Variants in CCDC22 observed in about 807,000 individuals in gnomAD.
CCDC22 encodes the protein coiled-coil domain-containing protein 22.
In CCDC22, 4 loss-of-function variants were observed where a neutral mutation model predicts 53.1. The observed-to-expected ratio is 0.08, with a 90% CI of 0.04 to 0.17. The LOEUF is 0.17. Among genes scored for constraint, CCDC22 ranks in the 10% least tolerant of loss-of-function variants. CCDC22 has a pLI of 1.00. For synonymous variants in CCDC22, 222 were observed against 224.4 expected (o/e 0.99, Z 0.10); for missense variants, 458 against 554.0 (o/e 0.83, Z 1.74).
rs1557115118 is a variant in CCDC22, at chrX:49,249,728, G to A, written c.1770+3G>A. 1 of 1,199,671 alleles carries A rather than the reference G, an allele frequency of 8.3e-7. No homozygotes were observed. Among genetic ancestry groups the A allele is most frequent in the South Asian group, 1.8e-5 (1 of 56,607 alleles). ...AGGTTCGAGACCTCGAGGAGCAGGT[G>A]AGGCCTGGGGGCAGGATGGGGAGCC... On this transcript the variant is annotated splice_donor_region_variant and intron_variant, in intron 16 of 16. Coordinates refer to ENST00000376227, the MANE Select transcript of CCDC22 (RefSeq NM_014008.5).
chrX:49,249,304 G>A, intron 14 of CCDC22, 42 bp downstream of exon 14: 1 of 1,062,959 alleles, frequency 9.4e-7, no homozygotes, highest in Non-Finnish European at 1.3e-6. Flanking sequence ...GTGAGGCTGG[G>A]CTGCTGCCTT....
chrX:49,240,074 A>AC (rs1290222385), intron 2 of CCDC22, among the ~76,000 whole-genome samples: 1 of 105,400 alleles, frequency 9.5e-6, no homozygotes, highest in Non-Finnish European at 1.9e-5. Flanking sequence ...ACATAGTGAG[A>AC]CCCCCATCTC....
intron 2 of CCDC22, among the ~76,000 whole-genome samples, chrX:49,241,727 T>C (rs1227466678): frequency 1.8e-5 from 2 of 112,103 alleles, no homozygotes; most frequent in Non-Finnish European, 3.8e-5. Context: ...TTCTATTTTC[T>C]TTAAATATTT....
At chrX:49,246,061 C>T (rs1299725344) in intron 6 of CCDC22, among the ~76,000 whole-genome samples, 1 of 110,174 alleles carries the variant, frequency 9.1e-6, no homozygotes, top group African/African-American at 3.3e-5. Flanking sequence ...TGTCGCTTCA[C>T]TGCAACCTCC....
At chrX:49,237,382 C>T (rs1185778753) in intron 2 of CCDC22, 119 bp downstream of exon 2, 9 of 667,581 alleles carry the variant, frequency 1.3e-5, no homozygotes, top group Non-Finnish European at 2.0e-5. Context: ...GCAACACTTG[C>T]CTTTCCTCTG....
chrX:49,243,076 T>C (rs1400222969), intron 4 of CCDC22, 42 bp from the exon 5 acceptor site: 2 of 1,184,207 alleles, frequency 1.7e-6, no homozygotes, highest in East Asian at 3.0e-5. Flanking sequence ...GCAACCCTCA[T>C]CCCACTTCAC....
rs1317193784 is a variant in CCDC22 at position 49,235,861 on chromosome X, A to ACACACACG, written c.50+178_50+179insACACGCAC. On this transcript the variant is annotated intron_variant, in intron 1 of 16. Coordinates refer to ENST00000376227, the MANE Select transcript of CCDC22 (RefSeq NM_014008.5). ...CACACACACACACACACACACACAC[A>ACACACACG]CACGCACACACACACCGCCCTCCCT... is the stretch of plus-strand genomic sequence containing the variant. 6.7e-3 allele frequency among the ~76,000 whole-genome samples: 710 copies of ACACACACG among 105,763 alleles called. 11 individuals carry two copies. Among genetic ancestry groups the ACACACACG allele is most frequent in the African/African-American group, 0.024 (682 of 28,426 alleles). 91.8% of individuals were successfully genotyped at this position (105,763 alleles called of 115,157 possible). A position where few individuals can be genotyped will look rare whatever the true frequency, so the allele number is the denominator to read the frequency against.
intron 2 of CCDC22, chrX:49,239,454 A>G (rs2065953596): frequency 2.7e-6 from 2 of 746,600 alleles, no homozygotes; most frequent in South Asian, 1.4e-4. Flanking sequence ...GGAACCTGTG[A>G]ATACATAGTG....
In CCDC22 at chrX:49,248,323, C is replaced by T. The variant is rs1557114677; in HGVS notation, c.1212+13C>T. On this transcript the variant is annotated intron_variant, in intron 10 of 16. Coordinates refer to ENST00000376227, the MANE Select transcript of CCDC22 (RefSeq NM_014008.5). ...TGCCAAGCTGCAGGTGGGGTTGGGG[C>T]TGTAGCTGGGCGGAGAGGGGCAGGG... is the stretch of plus-strand genomic sequence containing the variant. The T allele has an allele frequency of 1.3e-6, 1 of 745,497 alleles. No homozygotes were observed. Among genetic ancestry groups the T allele is most frequent in the Non-Finnish European group, 1.8e-6 (1 of 560,582 alleles). The allele number at this position is 745,497 out of a possible 1,213,427, so 61.4% of individuals were successfully genotyped here.
intron 6 of CCDC22, among the ~76,000 whole-genome samples, chrX:49,246,247 T>C (rs1252051179): frequency 1.8e-5 from 2 of 112,340 alleles, no homozygotes; most frequent in African/African-American, 6.5e-5. Context: ...GCTAGGATTA[T>C]AGGCATGAGC....
chrX:49,242,255 G>A (rs144610911), intron 3 of CCDC22, 107 bp downstream of exon 3: 26,307 of 1,133,200 alleles, frequency 0.023, 316 homozygotes, highest in Middle Eastern at 0.045. Context: ...GATGGGTAGG[G>A]GTGGCGGTAT....
chrX:49,246,793 C>G lies in CCDC22; in HGVS notation c.777C>G (p.Ser259Arg), dbSNP rs905833437. 1 of 1,192,093 alleles carries G rather than the reference C, an allele frequency of 8.4e-7. No homozygotes were observed. The highest frequency in any genetic ancestry group is 1.1e-6 in the Non-Finnish European group (1 of 885,282). ...AACTGACTGAGCATCTGCGCCAAAGCTGGGGCCTGCTTGGGGCCCCCATAC... is the reference window on the plus strand; with the variant it reads ...AACTGACTGAGCATCTGCGCCAAAGGTGGGGCCTGCTTGGGGCCCCCATAC... ...QKQLTEHLRQ[S>R]WGLLGAPIQA... Residue 259 changes from serine (S) to arginine (R), a missense_variant, in exon 7 of 17, where the codon AGC (serine) becomes AGG (arginine). Coordinates refer to ENST00000376227, the MANE Select transcript of CCDC22 (RefSeq NM_014008.5).
At position 49,237,114 on chromosome X, in the gene CCDC22, C is replaced by T. The variant is rs2065941556; in HGVS notation, c.79C>T (p.Arg27Cys). Residue 27 changes from arginine to cysteine, a missense_variant, in exon 2 of 17, where the codon CGC (arginine) becomes TGC (cysteine). Physicochemically the swap from Arg to Cys is radical, Grantham distance 180. Around this residue, in one of 4 missense-constraint regions of CCDC22, gnomAD observed 55 missense variants for 106.0 expected, o/e 0.52. Coordinates refer to ENST00000376227, the MANE Select transcript of CCDC22 (RefSeq NM_014008.5). ...TAVPPDVQTL[R>C]AFTTELVVEA... ...AGTTCCTCCAGATGTGCAGACCTTG[C>T]GCGCCTTCACCACTGAGCTGGTTGT... 3 of 1,209,711 alleles carry T rather than the reference C, an allele frequency of 2.5e-6. No homozygotes were observed. Among genetic ancestry groups the T allele is most frequent in the Admixed American group, 2.2e-5 (1 of 45,868 alleles).
intron 13 of CCDC22, 22 bp downstream of exon 13, chrX:49,248,946 G>A (rs1410335194): frequency 7.5e-6 from 9 of 1,200,818 alleles, no homozygotes; most frequent in Non-Finnish European, 9.0e-6. Flanking sequence ...GGGCCATGGA[G>A]GGTGGGTCAT....
chrX:49,247,511 G>A lies in CCDC22; in HGVS notation c.925G>A (p.Ala309Thr). The change falls in exon 8 of 17, where the codon GCC (alanine) becomes ACC (threonine). Residue 309 changes from alanine (A) to threonine (T), a missense_variant. Physicochemically the swap from Ala to Thr is moderately conservative, Grantham distance 58. Transcript: ENST00000376227. ...CTCCCCTTAGGAGCCCCAGGCCCAG[G>A]CCACTCAGGTGTCAGATGTGCCAGC... is the stretch of plus-strand genomic sequence containing the variant. The part of the protein sequence containing the change: ...FTFHLEPQAQ[A>T]TQVSDVPATS... The A allele has an allele frequency of 2.5e-6, 3 of 1,197,894 alleles. No homozygotes were observed. The highest frequency in any genetic ancestry group is 3.4e-6 in the Non-Finnish European group (3 of 888,941).
At chrX:49,239,391 G>GT in intron 2 of CCDC22, 1 of 670,256 alleles carries the variant, frequency 1.5e-6, no homozygotes, top group Non-Finnish European at 1.8e-6. Flanking sequence ...TGAAAAGCTG[G>GT]TTATAATAAG....
In CCDC22 at chrX:49,235,598, G is replaced by T. The variant is rs373238241; in HGVS notation, c.-39G>T. On this transcript the variant is annotated 5_prime_UTR_variant, in exon 1 of 17. Transcript: ENST00000376227. ...AGCTGCTCCCCACTTTCTCGGACCCGGTCCTGGACCCAGCCCCCGACTCCG... is the reference window on the plus strand; with the variant it reads ...AGCTGCTCCCCACTTTCTCGGACCCTGTCCTGGACCCAGCCCCCGACTCCG... 36 of 1,147,797 alleles carry T rather than the reference G, an allele frequency of 3.1e-5. No individual in the cohort carries two copies. The African/African-American group carries it at 6.0e-4, about 19-fold the overall frequency. The allele number at this position is 1,147,797 out of a possible 1,213,427, so 94.6% of individuals were successfully genotyped here.
chrX:49,238,075 C>CTTTTTTTTT (rs58787414), intron 2 of CCDC22, among the ~76,000 whole-genome samples: 3 of 84,376 alleles, frequency 3.6e-5, no homozygotes, highest in African/African-American at 1.4e-4. Flanking sequence ...TTCTTTTTTT[C>CTTTTTTTTT]TTTTTTTTTT....
At chrX:49,244,717 G>A (rs1218856004) in intron 6 of CCDC22, among the ~76,000 whole-genome samples, 6 of 111,280 alleles carry the variant, frequency 5.4e-5, no homozygotes, top group African/African-American at 2.0e-4. Flanking sequence ...CGTGCGCCCG[G>A]CTAATTTTTG....
Sources: allele counts gnomAD v4.1 joint callset (sites outside exome capture counted in the v4.1 genomes callset), GRCh38; gene constraint gnomAD v4.1.1; regional missense constraint gnomAD v4.1.1; transcripts MANE v1.5; gene names NCBI Gene and HGNC (gene_info 2026-07-23, HGNC 2026-07-21).